IGF1R: variants seen among roughly 807,000 people sequenced by gnomAD.
The protein encoded by IGF1R is insulin-like growth factor 1 receptor.
A neutral mutation model predicts 144.6 loss-of-function variants in IGF1R; 44 were observed. The observed-to-expected ratio is 0.30, with a 90% CI of 0.24 to 0.39. IGF1R has a LOEUF of 0.39. Among genes scored for constraint, IGF1R ranks in the 10% least tolerant of loss-of-function variants. IGF1R has a pLI of 1.00. For missense variants in IGF1R, 1,355 were observed against 1,833.7 expected, an observed-to-expected ratio of 0.74 and a Z score of 4.77; for synonymous variants, 795 against 722.8, an observed-to-expected ratio of 1.10 and a Z score of -1.60.
At chr15:98,683,568 A>C (rs921867392) in intron 1 of IGF1R, among the ~76,000 whole-genome samples, 2 of 152,222 alleles carry the variant, frequency 1.3e-5, no homozygotes. Context: ...AATACACAAC[A>C]GTTTTGTTTA....
At chr15:98,806,722 A>C (rs2056479571) in intron 2 of IGF1R, among the ~76,000 whole-genome samples, 1 of 152,194 alleles carries the variant, frequency 6.6e-6, no homozygotes, top group South Asian at 2.1e-4. Flanking sequence ...TGTGGCAAGA[A>C]ACACCCGTTC....
At chr15:98,927,872 A>G (rs1335832840) in intron 13 of IGF1R, among the ~76,000 whole-genome samples, 1 of 152,196 alleles carries the variant, frequency 6.6e-6, no homozygotes, top group Non-Finnish European at 1.5e-5. Context: ...CAGTGATTCC[A>G]GGCCCATTTC....
At chr15:98,847,708 A>G (rs1366583800) in intron 2 of IGF1R, among the ~76,000 whole-genome samples, 1 of 152,186 alleles carries the variant, frequency 6.6e-6, no homozygotes, top group Non-Finnish European at 1.5e-5. Flanking sequence ...AATCGTCTGG[A>G]TCTACATTAT....
chr15:98,839,977 C>T (rs1377316116), intron 2 of IGF1R, among the ~76,000 whole-genome samples: 1 of 152,144 alleles, frequency 6.6e-6, no homozygotes, highest in Non-Finnish European at 1.5e-5. Flanking sequence ...AGCTTTTTAC[C>T]ATGTTATTTA....
chr15:98,954,004 G>A (rs1275279576), intron 20 of IGF1R: 1 of 152,226 alleles, frequency 6.6e-6, no homozygotes, highest in Non-Finnish European at 1.5e-5. Context: ...GGGCTGCCAG[G>A]AGGGAGAGAC....
At chr15:98,915,311 G>A (rs2015195647) in intron 8 of IGF1R, among the ~76,000 whole-genome samples, 2 of 152,190 alleles carry the variant, frequency 1.3e-5, no homozygotes, top group Non-Finnish European at 2.9e-5. Flanking sequence ...CTCAAAATGA[G>A]GCTTCCATGC....
Position 98,963,664 on chromosome 15 carries a change from G to A in IGF1R, c.*6222G>A. On this transcript the variant is annotated 3_prime_UTR_variant, in exon 21 of 21. Transcript: ENST00000650285. ...CATACACAGTGATCACATAAACGAT[G>A]ACAGCTATGGGGCACACAGGCCATT... 1 of 233,302 alleles carries A rather than the reference G, an allele frequency of 4.3e-6. No homozygotes were observed. Among genetic ancestry groups the A allele is most frequent in the Non-Finnish European group, 8.5e-6 (1 of 118,046 alleles). The allele number at this position is 233,302 out of a possible 1,614,324, so 14.5% of individuals were successfully genotyped here.
At chr15:98,808,675 A>ACTTTT (rs1555447767) in intron 2 of IGF1R, among the ~76,000 whole-genome samples, 185 of 145,668 alleles carry the variant, frequency 1.3e-3, no homozygotes, top group Non-Finnish European at 2.2e-3. Context: ...TTCTTGAAAG[A>ACTTTT]TTTTTTTTTT....
chr15:98,780,102 T>TA lies in IGF1R; in HGVS notation c.640+71998dup, dbSNP rs5814900. Among the ~76,000 whole-genome samples, 5 of 151,460 alleles carry TA rather than the reference T, an allele frequency of 3.3e-5. No individual in the cohort carries two copies. In the East Asian group the frequency reaches 9.7e-4, roughly 29 times the overall value. On this transcript the variant is annotated intron_variant, in intron 2 of 20. Coordinates refer to ENST00000650285, the MANE Select transcript of IGF1R (RefSeq NM_000875.5). ...GAGCCAGGTGGCTATTTTTTTTTTT[T>TA]AAATTTATGTAATAACAAACATTCG...
At chr15:98,655,162 G>A (rs1256148499) in intron 1 of IGF1R, among the ~76,000 whole-genome samples, 1 of 151,132 alleles carries the variant, frequency 6.6e-6, no homozygotes, top group Non-Finnish European at 1.5e-5. Flanking sequence ...ACATATATTT[G>A]GAATATAAAA....
chr15:98,823,982 C>G (rs569744959), intron 2 of IGF1R, among the ~76,000 whole-genome samples: 21 of 152,308 alleles, frequency 1.4e-4, no homozygotes, highest in Admixed American at 3.3e-4. Flanking sequence ...GTTTCTTATA[C>G]TCAGTCATTT....
At chr15:98,658,655 G>A (rs1217482550) in intron 1 of IGF1R, among the ~76,000 whole-genome samples, 1 of 152,188 alleles carries the variant, frequency 6.6e-6, no homozygotes, top group Admixed American at 6.5e-5. Context: ...ATAGGTCAGA[G>A]ATGCCATCTT....
chr15:98,929,128 G>T (rs771804796), intron 13 of IGF1R, among the ~76,000 whole-genome samples: 11 of 152,038 alleles, frequency 7.2e-5, no homozygotes, highest in African/African-American at 2.7e-4. Context: ...CACAAAGACC[G>T]CTTACCAACA....
Position 98,916,830 on chromosome 15 carries a change from C to A in IGF1R, c.2155C>A (p.Arg719Ser), listed in dbSNP as rs757536805. Residue 719 changes from arginine to serine, a missense_variant, in exon 10 of 21, where the codon CGC (arginine) becomes AGC (serine). This residue lies in a region of IGF1R where 880 missense variants were observed against 1,202.7 expected (regional missense o/e 0.73). Transcript: ENST00000650285. The part of the protein sequence containing the change: ...KQAEKEEAEY[R>S]KVFENFLHNS... The stretch of plus-strand genomic sequence containing the variant: ...GGCCGAGAAGGAGGAGGCTGAATAC[C>A]GCAAAGTCTTTGAGAATTTCCTGCA... The A allele has an allele frequency of 6.2e-7, 1 of 1,614,064 alleles. No homozygotes were observed. Among genetic ancestry groups the A allele is most frequent in the South Asian group, 1.1e-5 (1 of 91,070 alleles).
intron 2 of IGF1R, among the ~76,000 whole-genome samples, chr15:98,875,320 TAGTTTCTTTC>T (rs2013002516): frequency 6.6e-6 from 1 of 151,928 alleles, no homozygotes; most frequent in South Asian, 2.1e-4. Flanking sequence ...AGATTCCTTT[TAGTTTCTTTC>T]TTTCTTTTCT....
At chr15:98,685,166 A>G (rs1278344190) in intron 1 of IGF1R, among the ~76,000 whole-genome samples, 1 of 151,862 alleles carries the variant, frequency 6.6e-6, no homozygotes, top group Non-Finnish European at 1.5e-5. Context: ...GCTGCACTCA[A>G]ACTCCTGGAC....
chr15:98,773,237 G>A (rs1421754197), intron 2 of IGF1R, among the ~76,000 whole-genome samples: 2 of 152,166 alleles, frequency 1.3e-5, no homozygotes, highest in Non-Finnish European at 2.9e-5. Flanking sequence ...TCCAGAGAGT[G>A]TTGGGGGCTG....
chr15:98,932,099 A>G (rs2151704678), intron 15 of IGF1R, among the ~76,000 whole-genome samples: 1 of 152,322 alleles, frequency 6.6e-6, no homozygotes, highest in Non-Finnish European at 1.5e-5. Context: ...TCAATACAAC[A>G]AATTCAGATT....
intron 1 of IGF1R, among the ~76,000 whole-genome samples, chr15:98,674,556 C>A (rs920090214): frequency 9.9e-5 from 15 of 152,250 alleles, no homozygotes; most frequent in Admixed American, 9.2e-4. Flanking sequence ...ACATATTTGA[C>A]CTGTTTAAAA....
Sources: allele counts gnomAD v4.1 joint callset (sites outside exome capture counted in the v4.1 genomes callset), GRCh38; gene constraint gnomAD v4.1.1; regional missense constraint gnomAD v4.1.1; transcripts MANE v1.5; gene names NCBI Gene and HGNC (gene_info 2026-07-23, HGNC 2026-07-21).